The following CNBD1 variants were observed in gnomAD, a reference collection of about 807,000 sequenced individuals.
CNBD1 encodes cyclic nucleotide-binding domain-containing protein 1.
CNBD1 carries 71 observed loss-of-function variants against 54.4 expected under a neutral mutation model. The observed-to-expected ratio is 1.30, with a 90% CI of 1.08 to 1.59. The LOEUF is 1.59. Ranked by LOEUF, CNBD1 falls within the 40% of genes most tolerant of loss-of-function variation. The pLI, the probability that CNBD1 is intolerant of heterozygous loss-of-function variation, is 0.00. For missense variants in CNBD1, 659 were observed against 518.0 expected (o/e 1.27, Z -2.64); for synonymous variants, 182 against 170.7 (o/e 1.07, Z -0.51).
At chr8:87,232,270 A>G (rs116399308) in intron 5 of CNBD1, among the ~76,000 whole-genome samples, 3,679 of 152,230 alleles carry the variant, frequency 0.024, 134 homozygotes, top group African/African-American at 0.071. Flanking sequence ...ATCTACTTTC[A>G]TTCCTCCTGA....
chr8:87,258,433 TTTC>T (rs371913118), intron 6 of CNBD1, among the ~76,000 whole-genome samples: 5,795 of 90,272 alleles, frequency 0.064, 353 homozygotes, highest in African/African-American at 0.21. Context: ...ATTTCTTTTT[TTTC>T]TTTTTAAGAT....
At chr8:87,177,323 A>G (rs559216666) in intron 4 of CNBD1, among the ~76,000 whole-genome samples, 1 of 152,342 alleles carries the variant, frequency 6.6e-6, no homozygotes, top group African/African-American at 2.4e-5. Flanking sequence ...GACTCTTGCT[A>G]TATCAGTGGT....
intron 4 of CNBD1, among the ~76,000 whole-genome samples, chr8:87,050,833 T>A (rs1810296708): frequency 6.6e-6 from 1 of 152,198 alleles, no homozygotes; most frequent in Admixed American, 6.5e-5. Context: ...TTGCAGGGCC[T>A]AAGGAGGCCT....
chr8:87,397,097 C>T (rs573578718), intron 2 of CNBD1, among the ~76,000 whole-genome samples: 5 of 151,800 alleles, frequency 3.3e-5, no homozygotes, highest in South Asian at 4.1e-4. Context: ...TTGACTGTTG[C>T]TCATTTTACA....
intron 8 of CNBD1, among the ~76,000 whole-genome samples, chr8:87,296,836 G>A (rs1808884956): frequency 6.6e-6 from 1 of 151,980 alleles, no homozygotes; most frequent in Admixed American, 6.6e-5. Flanking sequence ...GAAATATAAT[G>A]CAAGCCACAT....
At chr8:87,416,045 T>C (rs1419773436) in intron 2 of CNBD1, among the ~76,000 whole-genome samples, 1 of 151,790 alleles carries the variant, frequency 6.6e-6, no homozygotes, top group Non-Finnish European at 1.5e-5. Context: ...GGAAAAAAGC[T>C]TTACTATAAA....
Position 87,131,957 on chromosome 8 carries a change from T to G in CNBD1, c.432-74036T>G, listed in dbSNP as rs576762569. Among the ~76,000 whole-genome samples the G allele has an allele frequency of 1.1e-4, 16 of 152,158 alleles. No individual in the cohort carries two copies. In the East Asian group the frequency reaches 2.5e-3, roughly 24 times the overall value. Reference sequence around the variant, plus strand: ...AGTTTGTTTCAAGACTGACTTTGTTTCCCTTCATTCTTGTAGGATATTTTC... The same window carrying G: ...AGTTTGTTTCAAGACTGACTTTGTTGCCCTTCATTCTTGTAGGATATTTTC... On this transcript the variant is annotated intron_variant, in intron 4 of 10. Transcript: ENST00000518476.
rs181938495 is a variant in CNBD1, at chr8:87,232,035, C to T, written c.578-4884C>T. Among the ~76,000 whole-genome samples, 125 of 152,182 alleles carry T rather than the reference C, an allele frequency of 8.2e-4. 2 individuals carry two copies. The highest frequency in any genetic ancestry group is 1.2e-3 in the Non-Finnish European group (81 of 67,986). On this transcript the variant is annotated intron_variant, in intron 5 of 10. Coordinates refer to ENST00000518476, the MANE Select transcript of CNBD1 (RefSeq NM_173538.3). ...TTGTAATGAAGTCAGACAGCATGTA[C>T]CCTTTTGTGAAAACTTTATTCCAAT...
intron 8 of CNBD1, among the ~76,000 whole-genome samples, chr8:87,287,812 C>T (rs1013915357): frequency 5.3e-5 from 8 of 151,972 alleles, no homozygotes; most frequent in African/African-American, 1.2e-4. Flanking sequence ...AAACCTTTCT[C>T]GTATTTCTTC....
intron 2 of CNBD1, among the ~76,000 whole-genome samples, chr8:87,405,000 C>G (rs1726431601): frequency 6.6e-6 from 1 of 151,878 alleles, no homozygotes; most frequent in African/African-American, 2.4e-5. Context: ...TGGGAAGCAG[C>G]AAGAAAGATT....
At chr8:87,216,838 C>A (rs986126694) in intron 5 of CNBD1, among the ~76,000 whole-genome samples, 1 of 152,126 alleles carries the variant, frequency 6.6e-6, no homozygotes, top group Admixed American at 6.5e-5. Flanking sequence ...CATCAAAGAG[C>A]CTTCACTAGA....
At chr8:87,327,466 C>G (rs192800377) in intron 8 of CNBD1, among the ~76,000 whole-genome samples, 1 of 152,200 alleles carries the variant, frequency 6.6e-6, no homozygotes, top group Non-Finnish European at 1.5e-5. Flanking sequence ...ATTCCGTGGG[C>G]GTAGGATACT....
chr8:87,006,943 T>A (rs150829386), intron 4 of CNBD1, among the ~76,000 whole-genome samples: 2,260 of 152,366 alleles, frequency 0.015, 52 homozygotes, highest in African/African-American at 0.051. Flanking sequence ...ACGCCTGTAA[T>A]CCCAGGACTT....
chr8:87,010,836 T>G (rs900431107), intron 4 of CNBD1, among the ~76,000 whole-genome samples: 1 of 152,226 alleles, frequency 6.6e-6, no homozygotes, highest in Non-Finnish European at 1.5e-5. Flanking sequence ...TTTTTTAAAT[T>G]GATATCTGAA....
At chr8:86,909,137 A>G (rs1424301447) in intron 3 of CNBD1, among the ~76,000 whole-genome samples, 1 of 152,164 alleles carries the variant, frequency 6.6e-6, no homozygotes, top group Non-Finnish European at 1.5e-5. Context: ...TTAAAACAAC[A>G]ACAACAAAAT....
chr8:87,170,680 A>G (rs1296154229), intron 4 of CNBD1, among the ~76,000 whole-genome samples: 1 of 152,040 alleles, frequency 6.6e-6, no homozygotes, highest in Non-Finnish European at 1.5e-5. Flanking sequence ...TTCTATACCC[A>G]GTTTCCTTGT....
intron 4 of CNBD1, among the ~76,000 whole-genome samples, chr8:86,983,731 G>C (rs1235230386): frequency 6.6e-6 from 1 of 152,164 alleles, no homozygotes; most frequent in Non-Finnish European, 1.5e-5. Context: ...CAAGAGAGAT[G>C]ATTTTGGGTA....
intron 2 of CNBD1, among the ~76,000 whole-genome samples, chr8:86,896,269 A>T (rs1190105572): frequency 6.6e-6 from 1 of 152,114 alleles, no homozygotes; most frequent in African/African-American, 2.4e-5. Context: ...TAATAACTGT[A>T]CATGTTTGGG....
intron 4 of CNBD1, among the ~76,000 whole-genome samples, chr8:86,958,357 G>A (rs915464217): frequency 2.6e-5 from 4 of 152,160 alleles, no homozygotes; most frequent in African/African-American, 9.7e-5. Flanking sequence ...CCTCATTGCA[G>A]AGCTGAGTTC....
Sources: gnomAD v4.1 joint callset for allele counts (sites outside exome capture counted in the v4.1 genomes callset) on GRCh38, gnomAD v4.1.1 for gene constraint, MANE v1.5 for transcripts, NCBI Gene and HGNC (gene_info 2026-07-23, HGNC 2026-07-21) for gene names.